ROBO2: variants seen among roughly 807,000 people sequenced by gnomAD.
ROBO2 encodes the protein roundabout homolog 2.
Under a neutral mutation model 160.8 loss-of-function variants are expected in ROBO2, and 53 were observed. That is an observed-to-expected ratio of 0.33 (90% CI 0.26 to 0.41). ROBO2 has a LOEUF of 0.41. Among genes scored for constraint, ROBO2 ranks in the 10% least tolerant of loss-of-function variants. The pLI, the probability that ROBO2 is intolerant of heterozygous loss-of-function variation, is 1.00. For missense variants in ROBO2, 1,577 were observed against 1,722.4 expected (o/e 0.92, Z 1.49); for synonymous variants, 664 against 611.7 (o/e 1.09, Z -1.26).
intron 2 of ROBO2, among the ~76,000 whole-genome samples, chr3:76,846,746 T>C (rs2068810800): frequency 6.6e-6 from 1 of 152,152 alleles, no homozygotes; most frequent in South Asian, 2.1e-4. Context: ...TCATTTTAAC[T>C]TAGAAGTTTA....
chr3:76,625,383 A>C (rs1040926818), intron 2 of ROBO2, among the ~76,000 whole-genome samples: 1 of 152,180 alleles, frequency 6.6e-6, no homozygotes, highest in Admixed American at 6.5e-5. Flanking sequence ...GCGAGTTTCT[A>C]TTCTAGGCAC....
At chr3:77,289,857 G>C (rs865969889) in intron 2 of ROBO2, among the ~76,000 whole-genome samples, 8 of 151,330 alleles carry the variant, frequency 5.3e-5, no homozygotes, top group African/African-American at 1.9e-4. Context: ...GGTCACCAAA[G>C]ACATAAAGTA....
chr3:76,379,062 G>A (rs186277656), intron 2 of ROBO2, among the ~76,000 whole-genome samples: 6 of 152,210 alleles, frequency 3.9e-5, no homozygotes, highest in Admixed American at 3.9e-4. Flanking sequence ...AATGATGGAG[G>A]GTGGTGGGGA....
intron 1 of ROBO2, among the ~76,000 whole-genome samples, chr3:77,090,161 G>T (rs1282410462): frequency 6.6e-6 from 1 of 151,778 alleles, no homozygotes; most frequent in African/African-American, 2.4e-5. Context: ...ATTGACTATT[G>T]TCAATGGGAT....
intron 2 of ROBO2, among the ~76,000 whole-genome samples, chr3:76,520,642 C>T (rs967771706): frequency 6.6e-6 from 1 of 152,094 alleles, no homozygotes; most frequent in Non-Finnish European, 1.5e-5. Flanking sequence ...TCTTTTAGTC[C>T]TGGTCTATAC....
intron 2 of ROBO2, among the ~76,000 whole-genome samples, chr3:77,284,658 GGTAT>G (rs768078763): frequency 6.6e-6 from 1 of 151,972 alleles, no homozygotes; most frequent in Admixed American, 6.6e-5. Flanking sequence ...GGAAGCCCTG[GGTAT>G]GATGACAATT....
rs183814139 is a variant in ROBO2, at chr3:77,083,321, G to A, written c.62-14693G>A. 4.7e-3 allele frequency among the ~76,000 whole-genome samples: 716 copies of A among 152,258 alleles called. 6 individuals carry two copies. Among genetic ancestry groups the A allele is most frequent in the African/African-American group, 0.016 (675 of 41,558 alleles). On this transcript the variant is annotated intron_variant, in intron 1 of 25. Coordinates refer to ENST00000461745, the Ensembl canonical transcript of ROBO2. ...TGAGGCAACTTGTATGATTCTGGAT[G>A]CGTAAGATGAACTTAGGAAAGTCCC...
chr3:76,918,524 T>C (rs1196779142), intron 2 of ROBO2, among the ~76,000 whole-genome samples: 2 of 152,246 alleles, frequency 1.3e-5, no homozygotes, highest in African/African-American at 4.8e-5. Flanking sequence ...TACACATCAG[T>C]AATAAACTGT....
At chr3:76,849,491 ACT>A (rs1160696939) in intron 2 of ROBO2, among the ~76,000 whole-genome samples, 2 of 152,122 alleles carry the variant, frequency 1.3e-5, no homozygotes, top group African/African-American at 4.8e-5. Flanking sequence ...AAGTCCTTAG[ACT>A]CCTATCCTCA....
At position 77,185,816 on chromosome 3, in the gene ROBO2, T is replaced by TATAA. The variant is rs2081228269; in HGVS notation, c.388+87478_388+87479insAAAT. ...AAACTGTGATACACACATATATATATATGTATATATATGATGGAATACTAG... is the reference window on the plus strand; with the variant it reads ...AAACTGTGATACACACATATATATATATAAATGTATATATATGATGGAATACTAG... On this transcript the variant is annotated intron_variant, in intron 2 of 25. Coordinates refer to ENST00000461745, the Ensembl canonical transcript of ROBO2. Among the ~76,000 whole-genome samples the TATAA allele has an allele frequency of 1.3e-5, 2 of 151,622 alleles. 1 individual carries two copies. Among genetic ancestry groups the TATAA allele is most frequent in the South Asian group, 4.2e-4 (2 of 4,812 alleles).
At chr3:76,388,222 A>G (rs2076983883) in intron 2 of ROBO2, among the ~76,000 whole-genome samples, 2 of 152,032 alleles carry the variant, frequency 1.3e-5, no homozygotes, top group African/African-American at 4.8e-5. Flanking sequence ...TTGTAAAGGA[A>G]CATTGTCCAT....
At chr3:77,478,539 C>T (rs1233728192) in intron 3 of ROBO2, among the ~76,000 whole-genome samples, 16 of 152,240 alleles carry the variant, frequency 1.1e-4, no homozygotes, top group South Asian at 1.0e-3. Flanking sequence ...AGAGGATCCA[C>T]GCAACATTTG....
At chr3:75,907,534 G>A (rs1335645608) in intron 1 of ROBO2, among the ~76,000 whole-genome samples, 2 of 152,150 alleles carry the variant, frequency 1.3e-5, no homozygotes, top group African/African-American at 4.8e-5. Context: ...CAGCCTGTGA[G>A]ATGTGACGGC....
intron 1 of ROBO2, among the ~76,000 whole-genome samples, chr3:77,090,420 C>T (rs985703075): frequency 1.5e-5 from 2 of 134,100 alleles, no homozygotes. Flanking sequence ...GTGGCGCGAT[C>T]TCGGCTCATT....
At chr3:76,661,200 T>A (rs752207462) in intron 2 of ROBO2, among the ~76,000 whole-genome samples, 1 of 152,136 alleles carries the variant, frequency 6.6e-6, no homozygotes, top group Non-Finnish European at 1.5e-5. Flanking sequence ...GATGCAGTGT[T>A]TTATGCAGTT....
At chr3:76,606,524 T>C (rs2087669857) in intron 2 of ROBO2, among the ~76,000 whole-genome samples, 1 of 152,168 alleles carries the variant, frequency 6.6e-6, no homozygotes, top group African/African-American at 2.4e-5. Flanking sequence ...ATTTTACAAG[T>C]CTCTAGAGAA....
intron 2 of ROBO2, among the ~76,000 whole-genome samples, chr3:77,326,885 T>C (rs1275203309): frequency 6.6e-6 from 1 of 152,238 alleles, no homozygotes; most frequent in East Asian, 1.9e-4. Context: ...CTTACTGCGT[T>C]CTATTTGAAT....
At chr3:77,040,962 C>A (rs920709186) in intron 1 of ROBO2, 116 bp downstream of exon 1, 4 of 1,384,842 alleles carry the variant, frequency 2.9e-6, no homozygotes, top group Non-Finnish European at 1.0e-6. Flanking sequence ...TCTGTTAGTC[C>A]GTTTTGGCCC....
chr3:77,282,903 T>G lies in ROBO2; in HGVS notation c.388+184563T>G, dbSNP rs377384309. Among the ~76,000 whole-genome samples the G allele has an allele frequency of 9.1e-3, 1,385 of 151,716 alleles. 10 individuals are homozygous for G. Among genetic ancestry groups the G allele is most frequent in the Middle Eastern group, 0.017 (5 of 290 alleles). ...TTTTATAAATGAAATAGAATAAATA[T>G]CTAATTATTGGAACTTTTCCATTAA... On this transcript the variant is annotated intron_variant, in intron 2 of 25. Coordinates refer to ENST00000461745, the Ensembl canonical transcript of ROBO2.
Sources: allele counts gnomAD v4.1 joint callset (sites outside exome capture counted in the v4.1 genomes callset), GRCh38; gene constraint gnomAD v4.1.1; transcripts MANE v1.5; gene names NCBI Gene and HGNC (gene_info 2026-07-23, HGNC 2026-07-21).